Variants in LEMD1 observed in about 807,000 individuals in gnomAD.
LEMD1 encodes LEM domain containing 1, also known as LEM domain-containing protein 1.
LEMD1 carries 18 observed loss-of-function variants against 17.4 expected under a neutral mutation model. The ratio of observed to expected loss-of-function variants is 1.04; its 90% CI spans 0.72 to 1.54. The LOEUF (loss-of-function observed/expected upper bound fraction) is 1.54. Among genes scored for constraint, LEMD1 ranks in the 40% most tolerant of loss-of-function variants. LEMD1 has a pLI of 0.00. For synonymous variants in LEMD1, 88 were observed against 77.8 expected (o/e 1.13, Z -0.69); for missense variants, 195 against 210.4 (o/e 0.93, Z 0.45).
chr1:205,445,748 G>A (rs76157651), intron 1 of LEMD1, among the ~76,000 whole-genome samples: 2,237 of 152,312 alleles, frequency 0.015, 58 homozygotes, highest in African/African-American at 0.052. Flanking sequence ...CACCGTAAGA[G>A]TGGGCAACGT....
chr1:205,430,725 G>A (rs549134256), intron 1 of LEMD1, among the ~76,000 whole-genome samples: 19 of 152,326 alleles, frequency 1.2e-4, no homozygotes, highest in South Asian at 2.1e-4. Context: ...TCAGCCGGGG[G>A]ACCCCCAAGC....
chr1:205,406,728 T>C (rs1665130666), intron 4 of LEMD1, among the ~76,000 whole-genome samples: 1 of 152,220 alleles, frequency 6.6e-6, no homozygotes, highest in Non-Finnish European at 1.5e-5. Context: ...CTGCGCCCAC[T>C]GTCTGACACT....
intron 1 of LEMD1, chr1:205,437,905 G>A (rs979873391): frequency 6.6e-6 from 1 of 152,164 alleles, no homozygotes; most frequent in African/African-American, 2.4e-5. Flanking sequence ...GTGTATTTCA[G>A]TTAGTTAATT....
intron 1 of LEMD1, among the ~76,000 whole-genome samples, chr1:205,443,060 G>A (rs1453141189): frequency 6.6e-6 from 1 of 152,214 alleles, no homozygotes; most frequent in Non-Finnish European, 1.5e-5. Context: ...AGGGAGGGCA[G>A]GTGGATTCCC....
intron 3 of LEMD1, among the ~76,000 whole-genome samples, 184 bp from the exon 4 acceptor site, chr1:205,416,480 CAG>C (rs1482121683): frequency 6.6e-6 from 1 of 152,206 alleles, no homozygotes; most frequent in Admixed American, 6.5e-5. Context: ...CTTTGTGAAA[CAG>C]ACTTAGGCCT....
At position 205,449,418 on chromosome 1, in the gene LEMD1, C is replaced by G. The variant is rs1438507941; in HGVS notation, c.-39+450G>C. On this transcript the variant is annotated intron_variant, in intron 1 of 3. Coordinates refer to the LEMD1 transcript ENST00000367154. ...CCCCCAAGAAGATGGTAAGAGGCCC[C>G]AGGCCCAGATCAGGCCCTGCCTCTG... Among the ~76,000 whole-genome samples, 4 of 152,060 alleles carry G rather than the reference C, an allele frequency of 2.6e-5. No individual in the cohort carries two copies. In the East Asian group the frequency reaches 7.8e-4, roughly 29 times the overall value.
intron 5 of LEMD1, 109 bp from the exon 6 acceptor site, chr1:205,381,965 T>C: frequency 1.0e-6 from 1 of 993,944 alleles, no homozygotes; most frequent in Non-Finnish European, 1.6e-6. Context: ...TGGTGGGGCT[T>C]TAGAGGTAGC....
intron 1 of LEMD1, among the ~76,000 whole-genome samples, chr1:205,434,159 G>A (rs957751638): frequency 2.7e-5 from 4 of 149,312 alleles, no homozygotes; most frequent in African/African-American, 9.8e-5. Context: ...CTTAGGTTCT[G>A]AGAAGCCCAA....
intron 4 of LEMD1, chr1:205,386,931 CA>C (rs894492233): frequency 2.6e-5 from 4 of 152,122 alleles, no homozygotes; most frequent in Admixed American, 2.6e-4. Flanking sequence ...AAATTTTAAG[CA>C]TATACAAAAA....
At chr1:205,439,186 G>A (rs572667525) in intron 1 of LEMD1, among the ~76,000 whole-genome samples, 2 of 152,198 alleles carry the variant, frequency 1.3e-5, no homozygotes, top group African/African-American at 4.8e-5. Context: ...CTATCCAAGA[G>A]GACAAAGAAC....
intron 4 of LEMD1, among the ~76,000 whole-genome samples, chr1:205,399,500 G>A (rs1413354432): frequency 6.6e-6 from 1 of 152,186 alleles, no homozygotes; most frequent in African/African-American, 2.4e-5. Flanking sequence ...CCAGTAGAAA[G>A]GTGCTCACTG....
At chr1:205,436,680 C>T (rs1030951183) in intron 1 of LEMD1, 2 of 152,182 alleles carry the variant, frequency 1.3e-5, no homozygotes, top group Non-Finnish European at 2.9e-5. Context: ...GGAACAGATT[C>T]TGTTTCTTGG....
Position 205,393,675 on chromosome 1 carries a change from T to TA in LEMD1, c.271-9312dup, listed in dbSNP as rs11339751. On this transcript the variant is annotated intron_variant, in intron 4 of 5. Coordinates refer to ENST00000367153, the MANE Select transcript of LEMD1 (RefSeq NM_001199050.2). ...TGGGTGACAGAGAGAGACTCTGTCT[T>TA]AAAAAAAAAAAAAGGAAAATAGCAA... is the stretch of plus-strand genomic sequence containing the variant. 3.5e-3 allele frequency among the ~76,000 whole-genome samples: 521 copies of TA among 146,924 alleles called. 2 individuals are homozygous for TA. Among genetic ancestry groups the TA allele is most frequent in the African/African-American group, 0.012 (489 of 39,978 alleles).
chr1:205,426,125 T>C (rs1666051941), upstream of LEMD1, among the ~76,000 whole-genome samples: 1 of 152,230 alleles, frequency 6.6e-6, no homozygotes, highest in African/African-American at 2.4e-5. Flanking sequence ...GATATCCATC[T>C]ACCCTATTTT....
intron 1 of LEMD1, among the ~76,000 whole-genome samples, chr1:205,432,698 A>G (rs1051833066): frequency 1.3e-5 from 2 of 152,228 alleles, no homozygotes; most frequent in Admixed American, 6.5e-5. Flanking sequence ...GGCAAAGAAG[A>G]GAGGAGGGTC....
At chr1:205,399,860 A>G (rs1448591189) in intron 4 of LEMD1, among the ~76,000 whole-genome samples, 3 of 146,488 alleles carry the variant, frequency 2.0e-5, no homozygotes, top group Non-Finnish European at 4.7e-5. Flanking sequence ...TTACAGTAGA[A>G]TGCCAACTAA....
At chr1:205,433,443 C>T (rs149259564) in intron 1 of LEMD1, among the ~76,000 whole-genome samples, 6 of 152,074 alleles carry the variant, frequency 3.9e-5, no homozygotes, top group East Asian at 3.9e-4. Flanking sequence ...GGCAACAGAG[C>T]GAGACTCTGT....
intron 4 of LEMD1, among the ~76,000 whole-genome samples, chr1:205,411,653 G>A (rs201966593): frequency 1.4e-5 from 2 of 138,540 alleles, no homozygotes; most frequent in Admixed American, 7.5e-5. Context: ...GAGAAAGAAA[G>A]GAAAGAAAGA....
chr1:205,428,690 A>G (rs190171798), intron 1 of LEMD1, among the ~76,000 whole-genome samples: 11 of 152,300 alleles, frequency 7.2e-5, no homozygotes, highest in Admixed American at 7.2e-4. Context: ...AAGAAAAGTC[A>G]GGGAGGCTGG....
Sources: allele counts gnomAD v4.1 joint callset (sites outside exome capture counted in the v4.1 genomes callset), GRCh38; gene constraint gnomAD v4.1.1; transcripts MANE v1.5; gene names NCBI Gene and HGNC (gene_info 2026-07-23, HGNC 2026-07-21).